ABCA6: variants seen among roughly 807,000 people sequenced by gnomAD.
ABCA6 encodes ATP-binding cassette sub-family A member 6.
ABCA6 carries 164 observed loss-of-function variants against 191.2 expected under a neutral mutation model. That is an observed-to-expected ratio of 0.86 (90% CI 0.76 to 0.98). ABCA6 has a LOEUF of 0.98. Among genes scored for constraint, ABCA6 ranks in the 50% least tolerant of loss-of-function variants. The probability of loss-of-function intolerance (pLI) is 0.00; values close to 1 mark genes in which losing one functional copy is unlikely to be tolerated. For missense variants in ABCA6, 1,958 were observed against 1,894.1 expected (o/e 1.03, Z -0.63); for synonymous variants, 636 against 647.7 (o/e 0.98, Z 0.27).
At chr17:69,132,540 G>T (rs915751612) in intron 6 of ABCA6, among the ~76,000 whole-genome samples, 4 of 152,198 alleles carry the variant, frequency 2.6e-5, no homozygotes, top group African/African-American at 9.7e-5. Context: ...GAGTGCAGTA[G>T]CACGATCTCA....
intron 11 of ABCA6, among the ~76,000 whole-genome samples, chr17:69,117,420 C>T (rs1028863334): frequency 2.0e-5 from 3 of 151,934 alleles, no homozygotes; most frequent in Non-Finnish European, 2.9e-5. Context: ...TATTTTGTAT[C>T]AAAATGTGTT....
chr17:69,087,187 G>A (rs541173350), intron 29 of ABCA6, among the ~76,000 whole-genome samples, 166 bp downstream of exon 29: 1 of 152,290 alleles, frequency 6.6e-6, no homozygotes, highest in Admixed American at 6.5e-5. Context: ...CTCTGAATAA[G>A]CGGAGTGCCT....
intron 15 of ABCA6, chr17:69,112,548 C>T (rs2073445499): frequency 6.6e-6 from 2 of 303,560 alleles, no homozygotes; most frequent in East Asian, 6.8e-5. Flanking sequence ...TGAAACAACA[C>T]AGAAACAGAA....
intron 25 of ABCA6, 65 bp from the exon 26 acceptor site, chr17:69,091,327 T>C (rs1211733890): frequency 1.3e-6 from 2 of 1,553,580 alleles, no homozygotes; most frequent in Non-Finnish European, 1.8e-6. Context: ...TGTAAAACAT[T>C]TAAGATGCAG....
chr17:69,079,211 T>C lies in ABCA6; in HGVS notation c.4751A>G (p.Lys1584Arg). 6.2e-7 allele frequency: 1 copy of C among 1,608,828 alleles called. No individual in the cohort carries two copies. The highest frequency in any genetic ancestry group is 1.1e-5 in the South Asian group (1 of 89,646). ...EYSLSQCTLEKVFLELSKEQE... is the reference protein window; with the variant it reads ...EYSLSQCTLERVFLELSKEQE... The stretch of plus-strand genomic sequence containing the variant: ...ACAAAGTCAAACCACTTGACTTACC[T>C]TCTCCAGTGTGCACTGAGAAAGGCT... Residue 1584 changes from lysine (K) to arginine (R), a missense_variant and splice_region_variant, in exon 38 of 39, where the codon AAG becomes AGG. Lys to Arg is a conservative substitution (Grantham distance 26). Coordinates refer to ENST00000284425, the MANE Select transcript of ABCA6 (RefSeq NM_080284.3).
intron 20 of ABCA6, among the ~76,000 whole-genome samples, chr17:69,103,377 A>C (rs2144652032): frequency 6.6e-6 from 1 of 152,356 alleles, no homozygotes; most frequent in South Asian, 2.1e-4. Flanking sequence ...CAAATAATGG[A>C]CAAGTAAATA....
chr17:69,125,063 T>G (rs756650672), intron 8 of ABCA6, 28 bp from the exon 9 acceptor site: 56 of 1,164,580 alleles, frequency 4.8e-5, no homozygotes, highest in Non-Finnish European at 6.3e-5. Context: ...AAAATAAATG[T>G]TTAAAATAAA....
chr17:69,130,459 CAAT>C (rs895396651), intron 6 of ABCA6, among the ~76,000 whole-genome samples: 34 of 152,074 alleles, frequency 2.2e-4, no homozygotes, highest in African/African-American at 8.0e-4. Context: ...TAAACAGTAT[CAAT>C]AATATCATAT....
intron 8 of ABCA6, among the ~76,000 whole-genome samples, chr17:69,127,089 G>A (rs1285872740): frequency 6.6e-6 from 1 of 152,132 alleles, no homozygotes; most frequent in Non-Finnish European, 1.5e-5. Context: ...GGAGAAATTG[G>A]ATATTTGTGT....
At chr17:69,137,567 C>T (rs2073969771) in intron 2 of ABCA6, 67 bp from the exon 3 acceptor site, 2 of 1,449,026 alleles carry the variant, frequency 1.4e-6, no homozygotes, top group Non-Finnish European at 1.9e-6. Context: ...TCAGTTAATA[C>T]AAAATACTGT....
intron 11 of ABCA6, among the ~76,000 whole-genome samples, chr17:69,117,288 T>C (rs574567856): frequency 1.3e-5 from 2 of 152,216 alleles, no homozygotes; most frequent in South Asian, 4.1e-4. Flanking sequence ...CTGTCTTTTA[T>C]AAAAATCATT....
intron 24 of ABCA6, 115 bp downstream of exon 24, chr17:69,096,513 T>G: frequency 1.1e-6 from 1 of 929,048 alleles, no homozygotes; most frequent in Non-Finnish European, 1.5e-6. Context: ...TGCATGTTTT[T>G]TGTTTTGGTT....
chr17:69,105,392 C>G (rs185148701), intron 20 of ABCA6, 70 bp downstream of exon 20: 3 of 1,410,606 alleles, frequency 2.1e-6, no homozygotes, highest in African/African-American at 2.9e-5. Flanking sequence ...CACTTCCCCC[C>G]CCCACCTCCT....
rs1598461980 is a variant in ABCA6, at chr17:69,103,020, C to T, written c.2741-52G>A. The T allele has an allele frequency of 5.2e-6, 6 of 1,149,030 alleles. No homozygotes were observed. The East Asian group carries it at 1.3e-4, about 25-fold the overall frequency. The allele number at this position is 1,149,030 out of a possible 1,614,324, so 71.2% of individuals were successfully genotyped here. A position where few individuals can be genotyped will look rare whatever the true frequency, so the allele number is the denominator to read the frequency against. The stretch of plus-strand genomic sequence containing the variant: ...CATAGAAAAGTAAGAAAATACATAT[C>T]AAACTTTTAAAATAAGTCATATACA... On this transcript the variant is annotated intron_variant, in intron 20 of 38. Coordinates refer to ENST00000284425, the MANE Select transcript of ABCA6 (RefSeq NM_080284.3).
chr17:69,137,475 C>T lies in ABCA6; in HGVS notation c.122G>A (p.Gly41Glu). Residue 41 changes from glycine (G) to glutamate (E), a missense_variant, in exon 3 of 39, where the codon GGA (glycine) becomes GAA (glutamate). Transcript: ENST00000284425. ...LLEWGLSILLGLCIALFSSSM... is the reference protein window; with the variant it reads ...LLEWGLSILLELCIALFSSSM... Reference sequence around the variant, plus strand: ...ACTGGAAAACAGAGCAATACACAGTCCTAGAAGTATTGAGAGGCCCCATTC... The same window carrying T: ...ACTGGAAAACAGAGCAATACACAGTTCTAGAAGTATTGAGAGGCCCCATTC... The T allele has an allele frequency of 6.2e-7, 1 of 1,613,258 alleles. No homozygotes were observed. The highest frequency in any genetic ancestry group is 2.2e-5 in the East Asian group (1 of 44,806).
rs2144657139 is a variant in ABCA6 at position 69,105,566 on chromosome 17, A to G, written c.2636T>C (p.Leu879Ser). 6 of 1,578,400 alleles carry G rather than the reference A, an allele frequency of 3.8e-6. No homozygotes were observed. The East Asian group carries it at 1.3e-4, about 35-fold the overall frequency. The change falls in exon 20 of 39, where the codon TTA (leucine) becomes TCA (serine). Residue 879 changes from leucine to serine, a missense_variant. Transcript: ENST00000284425. Reference sequence around the variant, plus strand: ...AAATTCCCAATCGATCTTTTCATTTAACATAGCATACATTATATTTTCAAC... The same window carrying G: ...AAATTCCCAATCGATCTTTTCATTTGACATAGCATACATTATATTTTCAAC... Reference protein sequence around the residue: ...LIVENIMYAMLNEKIDWEFKN... With the variant: ...LIVENIMYAMSNEKIDWEFKN...
intron 10 of ABCA6, among the ~76,000 whole-genome samples, 170 bp downstream of exon 10, chr17:69,123,069 C>T (rs941329574): frequency 2.6e-5 from 4 of 151,218 alleles, no homozygotes; most frequent in African/African-American, 4.9e-5. Flanking sequence ...TGCTAAATGA[C>T]GAGTTAATGG....
At position 69,083,305 on chromosome 17, in the gene ABCA6, T is replaced by C. The variant is rs1353601202; in HGVS notation, c.4382A>G (p.Asn1461Ser). 6.3e-7 allele frequency: 1 copy of C among 1,599,712 alleles called. No individual in the cohort carries two copies. Among genetic ancestry groups the C allele is most frequent in the Non-Finnish European group, 8.5e-7 (1 of 1,176,322 alleles). The change falls in exon 35 of 39, where the codon AAC (asparagine) becomes AGC (serine). Residue 1461 changes from asparagine to serine, a missense_variant. Physicochemically the swap from Asn to Ser is conservative, Grantham distance 46. Transcript: ENST00000284425. ...GGTCAGGAGGACACCTCTCTCTGTGTTTTTAACGACTGCCTGGATTGCCTG... is the reference window on the plus strand; with the variant it reads ...GGTCAGGAGGACACCTCTCTCTGTGCTTTTAACGACTGCCTGGATTGCCTG... ...MWQAIQAVVK[N>S]TERGVLLTTH...
chr17:69,102,888 C>T lies in ABCA6; in HGVS notation c.2821G>A (p.Gly941Ser). 1.2e-6 allele frequency: 2 copies of T among 1,601,668 alleles called. No homozygotes were observed. The highest frequency in any genetic ancestry group is 1.7e-6 in the Non-Finnish European group (2 of 1,175,724). The change falls in exon 21 of 39, where the codon GGT (glycine) becomes AGT (serine). Residue 941 changes from glycine (G) to serine (S), a missense_variant. Coordinates refer to ENST00000284425, the MANE Select transcript of ABCA6 (RefSeq NM_080284.3). ...LEVDDFENRNGTDGLSYNGAI... is the reference protein window; with the variant it reads ...LEVDDFENRNSTDGLSYNGAI... ...CCATTGTATGAGAGGCCATCAGTAC[C>T]ATTTCTGTTTTCAAAGTCATCTACT...
Sources: allele counts gnomAD v4.1 joint callset (sites outside exome capture counted in the v4.1 genomes callset), GRCh38; gene constraint gnomAD v4.1.1; transcripts MANE v1.5; gene names NCBI Gene and HGNC (gene_info 2026-07-23, HGNC 2026-07-21).